The following AGBL1 variants were observed in gnomAD, a reference collection of about 807,000 sequenced individuals.
AGBL1 encodes AGBL carboxypeptidase 1.
In AGBL1, 130 loss-of-function variants were observed where a neutral mutation model predicts 118.9. The observed-to-expected ratio is 1.09, with a 90% confidence interval of 0.95 to 1.26. AGBL1 has a LOEUF of 1.26. Ranked by LOEUF, AGBL1 falls within the 50% of genes most tolerant of loss-of-function variation. The pLI is 0.00. For missense variants in AGBL1, 1,584 were observed against 1,298.1 expected (o/e 1.22, Z -3.38); for synonymous variants, 555 against 478.9 (o/e 1.16, Z -2.08).
intron 22 of AGBL1, among the ~76,000 whole-genome samples, chr15:86,779,397 G>C (rs192455328): frequency 1.6e-3 from 242 of 152,286 alleles, no homozygotes; most frequent in Non-Finnish European, 2.7e-3. Flanking sequence ...CATGCACTAA[G>C]ACAGTATTCC....
At chr15:86,417,942 G>A (rs527489374) in intron 18 of AGBL1, among the ~76,000 whole-genome samples, 37 of 152,184 alleles carry the variant, frequency 2.4e-4, no homozygotes, top group Non-Finnish European at 4.1e-4. Flanking sequence ...ATAAAGCCTC[G>A]AAGTTATTTT....
intron 22 of AGBL1, among the ~76,000 whole-genome samples, chr15:86,885,363 C>T (rs929548748): frequency 2.6e-5 from 4 of 152,142 alleles, no homozygotes; most frequent in East Asian, 1.9e-4. Context: ...TGACAGCTTT[C>T]GCTCACACAT....
intron 1 of AGBL1, among the ~76,000 whole-genome samples, chr15:86,091,996 C>T (rs1406074507): frequency 6.6e-6 from 1 of 152,122 alleles, no homozygotes; most frequent in African/African-American, 2.4e-5. Flanking sequence ...TCCAAAGTTG[C>T]ACCCAAGCAT....
chr15:86,270,332 G>A (rs12916391), intron 14 of AGBL1, among the ~76,000 whole-genome samples: 2 of 152,008 alleles, frequency 1.3e-5, no homozygotes, highest in African/African-American at 4.8e-5. Flanking sequence ...TGAGGTTGGT[G>A]AGCGTTCTCA....
At chr15:86,958,113 G>A (rs1163681865) in intron 23 of AGBL1, among the ~76,000 whole-genome samples, 3 of 151,692 alleles carry the variant, frequency 2.0e-5, no homozygotes, top group Non-Finnish European at 4.4e-5. Flanking sequence ...GCTGAGACAG[G>A]AGAATTGTTG....
At chr15:86,962,205 G>A (rs1353854782) in intron 23 of AGBL1, among the ~76,000 whole-genome samples, 3 of 150,858 alleles carry the variant, frequency 2.0e-5, no homozygotes, top group Non-Finnish European at 4.4e-5. Context: ...AGACACAAAA[G>A]TGTTAAATGT....
chr15:86,252,077 C>T (rs2078825672), intron 7 of AGBL1, among the ~76,000 whole-genome samples: 1 of 152,216 alleles, frequency 6.6e-6, no homozygotes, highest in Non-Finnish European at 1.5e-5. Context: ...GTTTCTACTT[C>T]AGTTGTTCCG....
chr15:86,092,363 A>AG (rs931089763), intron 1 of AGBL1, among the ~76,000 whole-genome samples: 8 of 152,152 alleles, frequency 5.3e-5, no homozygotes, highest in Non-Finnish European at 1.2e-4. Flanking sequence ...TTTTTTAAAG[A>AG]GGGGGGATCT....
chr15:86,563,848 G>A (rs2083870249), intron 21 of AGBL1, among the ~76,000 whole-genome samples: 1 of 152,104 alleles, frequency 6.6e-6, no homozygotes, highest in South Asian at 2.1e-4. Flanking sequence ...AGGATAGTTA[G>A]CTCTTCTTGT....
At chr15:86,859,563 AC>A (rs1280967915) in intron 22 of AGBL1, among the ~76,000 whole-genome samples, 1 of 152,166 alleles carries the variant, frequency 6.6e-6, no homozygotes, top group Non-Finnish European at 1.5e-5. Context: ...AAAGGTTGCT[AC>A]TATCAAAGCT....
chr15:86,943,596 G>C (rs1382059577), intron 23 of AGBL1, among the ~76,000 whole-genome samples: 1 of 152,158 alleles, frequency 6.6e-6, no homozygotes, highest in Non-Finnish European at 1.5e-5. Context: ...CTAATCTTTT[G>C]TTATGCAGAT....
intron 22 of AGBL1, among the ~76,000 whole-genome samples, chr15:86,832,092 T>C (rs2079112589): frequency 6.6e-6 from 1 of 152,174 alleles, no homozygotes; most frequent in Non-Finnish European, 1.5e-5. Context: ...ATGGCTGGGA[T>C]GCAGAGCACT....
At chr15:86,242,829 A>G (rs748300296) in intron 6 of AGBL1, among the ~76,000 whole-genome samples, 1 of 152,190 alleles carries the variant, frequency 6.6e-6, no homozygotes, top group Non-Finnish European at 1.5e-5. Flanking sequence ...AGGTAAAATT[A>G]TTCAGGACAC....
intron 18 of AGBL1, among the ~76,000 whole-genome samples, chr15:86,511,911 C>T (rs556682216): frequency 6.6e-6 from 1 of 151,864 alleles, no homozygotes; most frequent in Non-Finnish European, 1.5e-5. Context: ...GACATGACAA[C>T]CAAGATATAA....
chr15:86,471,172 G>T (rs1273145809), intron 18 of AGBL1, among the ~76,000 whole-genome samples: 1 of 151,960 alleles, frequency 6.6e-6, no homozygotes, highest in Non-Finnish European at 1.5e-5. Context: ...GACATAAATG[G>T]CCTTTTAAAT....
At chr15:86,726,464 C>A (rs1438002844) in intron 22 of AGBL1, among the ~76,000 whole-genome samples, 1 of 152,096 alleles carries the variant, frequency 6.6e-6, no homozygotes, top group Non-Finnish European at 1.5e-5. Flanking sequence ...ATAAAGAAAG[C>A]AATTGTAACC....
chr15:86,505,739 A>G (rs942315831), intron 18 of AGBL1, among the ~76,000 whole-genome samples: 1 of 151,838 alleles, frequency 6.6e-6, no homozygotes, highest in Admixed American at 6.6e-5. Flanking sequence ...ATAATAGCTT[A>G]TTTAAGTCTT....
chr15:86,987,199 G>A (rs1233755523), intron 23 of AGBL1, among the ~76,000 whole-genome samples: 3 of 152,176 alleles, frequency 2.0e-5, no homozygotes, highest in Non-Finnish European at 4.4e-5. Flanking sequence ...AGGCCATCTG[G>A]ATGTATAGGT....
intron 22 of AGBL1, among the ~76,000 whole-genome samples, chr15:86,892,271 G>A (rs2080062550): frequency 6.6e-6 from 1 of 151,966 alleles, no homozygotes; most frequent in African/African-American, 2.4e-5. Context: ...ACTATGTAGG[G>A]TACACTTGTT....
Sources: gnomAD v4.1 joint callset for allele counts (sites outside exome capture counted in the v4.1 genomes callset) on GRCh38, gnomAD v4.1.1 for gene constraint, MANE v1.5 for transcripts, NCBI Gene and HGNC (gene_info 2026-07-23, HGNC 2026-07-21) for gene names.